Variants in CKMT1A observed in about 807,000 individuals in gnomAD.
CKMT1A encodes creatine kinase, mitochondrial 1A.
Under a neutral mutation model 21.8 loss-of-function variants are expected in CKMT1A, and 23 were observed. The ratio of observed to expected loss-of-function variants is 1.05; its 90% confidence interval spans 0.76 to 1.49. CKMT1A has a LOEUF of 1.49. CKMT1A is among the 40% of genes most tolerant of loss of function. The pLI, the probability that CKMT1A is intolerant of heterozygous loss-of-function variation, is 0.00. For missense variants in CKMT1A, 154 were observed against 229.4 expected (o/e 0.67, Z 2.12); for synonymous variants, 67 against 80.4 (o/e 0.83, Z 0.89).
At chr15:43,698,803 G>T (rs552966570) in intron 8 of CKMT1A, 37 bp downstream of exon 8, 1 of 1,611,586 alleles carries the variant, frequency 6.2e-7, no homozygotes, top group African/African-American at 1.3e-5. Context: ...GAGAGGTATA[G>T]GTCTGTGGGG....
At chr15:43,697,399 A>G (rs17728253) in intron 6 of CKMT1A, 16,781 of 984,934 alleles carry the variant, frequency 0.017, 277 homozygotes, top group Non-Finnish European at 0.019. Flanking sequence ...GGTCTTTGTG[A>G]TCATCACTCT....
At chr15:43,698,851 C>T (rs367945992) in intron 8 of CKMT1A, 85 bp downstream of exon 8, 39 of 1,604,444 alleles carry the variant, frequency 2.4e-5, no homozygotes, top group Non-Finnish European at 3.3e-5. Context: ...CGGGATGTAA[C>T]ATAATCTGAA....
At chr15:43,697,736 C>T in intron 6 of CKMT1A, 1 of 984,600 alleles carries the variant, frequency 1.0e-6, no homozygotes, top group Non-Finnish European at 1.2e-6. Flanking sequence ...CTGTTCATTT[C>T]CCTAGATCAT....
chr15:43,696,564 T>A (rs954430696), intron 6 of CKMT1A: 3 of 795,910 alleles, frequency 3.8e-6, no homozygotes, highest in Non-Finnish European at 5.9e-6. Flanking sequence ...CACACTAAGA[T>A]TAGGAAAAGA....
In CKMT1A at chr15:43,696,462, T is replaced by C. The variant is rs1249990163; in HGVS notation, c.876+99T>C. 14 of 1,578,672 alleles carry C rather than the reference T, an allele frequency of 8.9e-6. No homozygotes were observed. In the East Asian group the frequency reaches 2.7e-4, roughly 30 times the overall value. The stretch of plus-strand genomic sequence containing the variant: ...GTAATTTATCAACCAACCCAAGACA[T>C]GTCTGATGGTAAAAAGGACTACCTA... On this transcript the variant is annotated intron_variant, in intron 6 of 8. Transcript: ENST00000413453.
At position 43,699,097 on chromosome 15, in the gene CKMT1A, T is replaced by A. The variant is rs373627133; in HGVS notation, c.*8T>A. The A allele has an allele frequency of 1.2e-6, 2 of 1,613,456 alleles. No homozygotes were observed. Among genetic ancestry groups the A allele is most frequent in the Non-Finnish European group, 1.7e-6 (2 of 1,179,886 alleles). On this transcript the variant is annotated 3_prime_UTR_variant, in exon 9 of 9. Transcript: ENST00000413453. ...ATCCACACCAAGCATTAACTCCCCATCGCCAGCTGATGACTCAAGATTCCA... is the reference window on the plus strand; with the variant it reads ...ATCCACACCAAGCATTAACTCCCCAACGCCAGCTGATGACTCAAGATTCCA...
chr15:43,699,034 T>C lies in CKMT1A; in HGVS notation c.1199T>C (p.Leu400Pro). ...TATTTGATTGATTGTGAACGGCGTCTGGAGAGAGGCCAGGATATCCGCATC... is the reference window on the plus strand; with the variant it reads ...TATTTGATTGATTGTGAACGGCGTCCGGAGAGAGGCCAGGATATCCGCATC... Reference protein sequence around the residue: ...VNYLIDCERRLERGQDIRIPT... With the variant: ...VNYLIDCERRPERGQDIRIPT... Residue 400 changes from leucine to proline, a missense_variant, in exon 9 of 9, where the codon CTG (leucine) becomes CCG (proline). Physicochemically the swap from Leu to Pro is moderately conservative, Grantham distance 98. Transcript: ENST00000413453. 6.2e-7 allele frequency: 1 copy of C among 1,613,522 alleles called. No individual in the cohort carries two copies. Among genetic ancestry groups the C allele is most frequent in the South Asian group, 1.1e-5 (1 of 91,050 alleles).
At position 43,696,119 on chromosome 15, in the gene CKMT1A, A is replaced by C; in HGVS notation, c.747A>C (p.Gly249=). The C allele has an allele frequency of 2.5e-6, 2 of 785,322 alleles. No individual in the cohort carries two copies. The highest frequency in any genetic ancestry group is 5.4e-5 in the East Asian group (2 of 37,236). 48.6% of individuals were successfully genotyped at this position (785,322 alleles called of 1,614,324 possible). The part of the protein sequence containing the change: ...GMARDWPDAR[G]IWHNNEKSFL... ...CTCGAGACTGGCCAGATGCTCGTGGAATTTGGTATGAAGCTGCTCATTACC... is the reference window on the plus strand; with the variant it reads ...CTCGAGACTGGCCAGATGCTCGTGGCATTTGGTATGAAGCTGCTCATTACC... Residue 249 remains glycine (G), a synonymous_variant, in exon 5 of 9, where the codon GGA becomes GGC. Coordinates refer to ENST00000413453, the MANE Select transcript of CKMT1A (RefSeq NM_001321926.2).
intron 6 of CKMT1A, 79 bp downstream of exon 6, chr15:43,696,442 T>C: frequency 6.2e-7 from 1 of 1,601,252 alleles, no homozygotes. Context: ...ATTATGTAAT[T>C]TATCAACCAA....
chr15:43,696,366 T>G lies in CKMT1A; in HGVS notation c.876+3T>G. The G allele has an allele frequency of 6.2e-7, 1 of 1,610,942 alleles. No individual in the cohort carries two copies. Among genetic ancestry groups the G allele is most frequent in the Non-Finnish European group, 8.5e-7 (1 of 1,179,092 alleles). On this transcript the variant is annotated splice_donor_region_variant and intron_variant, in intron 6 of 8. Coordinates refer to ENST00000413453, the MANE Select transcript of CKMT1A (RefSeq NM_001321926.2). ...GATTCTGCCGAGGCCTCAAAGAGGTTAGAGAAGATTGTGTAGGGGAGCTAG... is the reference window on the plus strand; with the variant it reads ...GATTCTGCCGAGGCCTCAAAGAGGTGAGAGAAGATTGTGTAGGGGAGCTAG...
intron 6 of CKMT1A, chr15:43,696,671 G>A (rs1385757843): frequency 2.4e-6 from 1 of 424,234 alleles, no homozygotes; most frequent in Non-Finnish European, 4.3e-6. Context: ...GTGGGATGGT[G>A]AGGTGTGCAG....
rs1489630067 is a variant in CKMT1A at position 43,696,025 on chromosome 15, G to A, written c.667-14G>A. The A allele has an allele frequency of 3.9e-5, 18 of 465,736 alleles. No homozygotes were observed. The highest frequency in any genetic ancestry group is 2.0e-4 in the Admixed American group (4 of 20,238). The allele number at this position is 465,736 out of a possible 1,614,324, so 28.9% of individuals were successfully genotyped here. A position where few individuals can be genotyped will look rare whatever the true frequency, so the allele number is the denominator to read the frequency against. ...CATGAAGATTCTTAACCCAAGTCCC[G>A]TTACTCTTCCCAGGACCACTTTCTG... On this transcript the variant is annotated splice_polypyrimidine_tract_variant and intron_variant, in intron 4 of 8. Coordinates refer to ENST00000413453, the MANE Select transcript of CKMT1A (RefSeq NM_001321926.2).
Position 43,698,754 on chromosome 15 carries a change from A to G in CKMT1A, c.1125A>G (p.Leu375=), listed in dbSNP as rs1277437163. The G allele has an allele frequency of 1.9e-6, 3 of 1,613,708 alleles. No homozygotes were observed. Among genetic ancestry groups the G allele is most frequent in the South Asian group, 1.1e-5 (1 of 91,040 alleles). Residue 375 remains leucine, a synonymous_variant, in exon 8 of 9, where the codon CTA becomes CTG. Coordinates refer to ENST00000413453, the MANE Select transcript of CKMT1A (RefSeq NM_001321926.2). ...TTGATATTTCTAATTTGGACCGACT[A>G]GGCAAATCAGAGGTGAGATCCTAAG... The part of the protein sequence containing the change: ...GVFDISNLDR[L]GKSEVELVQL...
At chr15:43,696,493 C>T (rs2141611219) in intron 6 of CKMT1A, 130 bp downstream of exon 6, 2 of 1,413,958 alleles carry the variant, frequency 1.4e-6, no homozygotes, top group East Asian at 2.3e-5. Context: ...ACCTAGGACT[C>T]ACTCTAGGAC....
Position 43,695,816 on chromosome 15 carries a change from G to A in CKMT1A, c.573G>A (p.Val191=). The part of the protein sequence containing the change: ...RAERREVERV[V]VDALSGLKGD... ...AGCGACGAGAGGTGGAACGTGTTGT[G>A]GTGGATGCACTGAGTGGCCTGAAGG... The change falls in exon 4 of 9, where the codon GTG becomes GTA. Residue 191 remains valine (V), a synonymous_variant. Transcript: ENST00000413453. 6.0e-6 allele frequency: 1 copy of A among 165,898 alleles called. No individual in the cohort carries two copies. 10.3% of individuals were successfully genotyped at this position (165,898 alleles called of 1,614,324 possible). A position where few individuals can be genotyped will look rare whatever the true frequency, so the allele number is the denominator to read the frequency against.
Position 43,698,715 on chromosome 15 carries a change from C to T in CKMT1A, c.1086C>T (p.Ala362=), listed in dbSNP as rs199680351. The change falls in exon 8 of 9, where the codon GCC becomes GCT. Residue 362 remains alanine, a synonymous_variant. Coordinates refer to ENST00000413453, the MANE Select transcript of CKMT1A (RefSeq NM_001321926.2). ...KRGTGGVDTA[A]TGGVFDISNL... is the part of the protein sequence containing the mutation. ...GTACTGGAGGAGTGGACACTGCTGCCACAGGCGGTGTCTTTGATATTTCTA... is the reference window on the plus strand; with the variant it reads ...GTACTGGAGGAGTGGACACTGCTGCTACAGGCGGTGTCTTTGATATTTCTA... The T allele has an allele frequency of 1.4e-4, 232 of 1,613,486 alleles. 2 individuals carry two copies. In the Admixed American group the frequency reaches 2.1e-3, roughly 15 times the overall value.
rs1305652053 is a variant in CKMT1A at position 43,698,115 on chromosome 15, A to G, written c.978A>G (p.Ala326=). The G allele has an allele frequency of 5.0e-6, 8 of 1,612,680 alleles. No homozygotes were observed. The highest frequency in any genetic ancestry group is 6.8e-6 in the Non-Finnish European group (8 of 1,178,924). ...CTAACCTGGGCACTGGACTTCGGGC[A>G]GGAGTGCACATCAAACTGCCCCTGC... The part of the protein sequence containing the change: ...CPSNLGTGLR[A]GVHIKLPLLS... The change falls in exon 7 of 9, where the codon GCA becomes GCG. Residue 326 remains alanine (A), a synonymous_variant. Transcript: ENST00000413453.
At chr15:43,696,535 G>A (rs1250146033) in intron 6 of CKMT1A, 172 bp downstream of exon 6, 2 of 997,114 alleles carry the variant, frequency 2.0e-6, no homozygotes, top group South Asian at 1.7e-5. Context: ...ACCATACTGG[G>A]AAAACCAGGA....
chr15:43,696,173 T>C (rs2086440214), intron 5 of CKMT1A, 49 bp downstream of exon 5: 1 of 1,314,984 alleles, frequency 7.6e-7, no homozygotes, highest in Admixed American at 2.3e-5. Context: ...TCATAAATGC[T>C]TTTTTTCCCT....
Sources: allele counts gnomAD v4.1 joint callset, GRCh38; gene constraint gnomAD v4.1.1; transcripts MANE v1.5; gene names NCBI Gene and HGNC (gene_info 2026-07-23, HGNC 2026-07-21).